TGM1: variants seen among roughly 807,000 people sequenced by gnomAD.
The protein encoded by TGM1 is transglutaminase 1, also known as protein-glutamine gamma-glutamyltransferase K.
Under a neutral mutation model 88.7 loss-of-function variants are expected in TGM1, and 63 were observed. The ratio of observed to expected loss-of-function variants is 0.71; its 90% CI spans 0.58 to 0.88. The LOEUF (loss-of-function observed/expected upper bound fraction) is 0.88, where lower values mean the gene tolerates loss of function less well. TGM1 is among the 40% of genes least tolerant of loss of function. TGM1 has a pLI of 0.00. For synonymous variants in TGM1, 415 were observed against 431.1 expected, an observed-to-expected ratio of 0.96 and a Z score of 0.46; for missense variants, 996 against 1,118.0, an observed-to-expected ratio of 0.89 and a Z score of 1.56.
rs1028160123 is a variant in TGM1 at position 24,259,314 on chromosome 14, A to C, written c.985-65T>G. The C allele has an allele frequency of 8.7e-6, 13 of 1,495,166 alleles. No individual in the cohort carries two copies. In the African/African-American group the frequency reaches 1.5e-4, roughly 18 times the overall value. The allele number at this position is 1,495,166 out of a possible 1,614,324, so 92.6% of individuals were successfully genotyped here. Reference sequence around the variant, plus strand: ...GGGCTCAGGACCTGCCATGTGGTCCATGGGGACCAGCCGGGCCCCGATCCT... The same window carrying C: ...GGGCTCAGGACCTGCCATGTGGTCCCTGGGGACCAGCCGGGCCCCGATCCT... On this transcript the variant is annotated intron_variant, in intron 6 of 14. Transcript: ENST00000206765. The surrounding 1 kb of genome is among the most constrained non-coding windows in gnomAD (Gnocchi z 5.7).
rs41293780 is a variant in TGM1, at chr14:24,261,550, G to T, written c.508+145C>A. 2.5e-4 allele frequency: 260 copies of T among 1,035,590 alleles called. 1 individual carries two copies. In the African/African-American group the frequency reaches 3.7e-3, roughly 15 times the overall value. 64.2% of individuals were successfully genotyped at this position (1,035,590 alleles called of 1,614,324 possible). ...ACCCTCTCTGAGACACAACCCCAGG[G>T]GCACACCCACACACTTGCACCTGCC... is the stretch of plus-strand genomic sequence containing the variant. On this transcript the variant is annotated intron_variant, in intron 3 of 14. Coordinates refer to ENST00000206765, the MANE Select transcript of TGM1 (RefSeq NM_000359.3).
At chr14:24,258,431 C>T in intron 8 of TGM1, 43 bp from the exon 9 acceptor site, 1 of 1,612,708 alleles carries the variant, frequency 6.2e-7, no homozygotes. Context: ...GCCCCAGGGT[C>T]AGGAGTCCTC....
In TGM1 at chr14:24,260,671, G is replaced by A. The variant is rs779095091; in HGVS notation, c.536C>T (p.Thr179Met). ...CTTGCCCACTGGGATGATCACGTGC[G>A]TGCCCTTGCCCACCTCGGGGTTGTT... ...IGNNPEVGKG[T>M]HVIIPVGKGG... The change falls in exon 4 of 15, where the codon ACG (threonine) becomes ATG (methionine). Residue 179 changes from threonine (T) to methionine (M), a missense_variant. Physicochemically the swap from Thr to Met is moderately conservative, Grantham distance 81. Coordinates refer to ENST00000206765, the MANE Select transcript of TGM1 (RefSeq NM_000359.3). The A allele has an allele frequency of 7.4e-6, 12 of 1,613,946 alleles. No individual in the cohort carries two copies. The highest frequency in any genetic ancestry group is 6.7e-5 in the East Asian group (3 of 44,896).
chr14:24,260,286 G>A, intron 4 of TGM1, 164 bp downstream of exon 4: 1 of 1,211,820 alleles, frequency 8.3e-7, no homozygotes, highest in South Asian at 1.3e-5. Context: ...GTGACCCTGG[G>A]CTGGCCACCT....
rs762375778 is a variant in TGM1 at position 24,260,632 on chromosome 14, C to G, written c.575G>C (p.Gly192Ala). 18 of 1,614,092 alleles carry G rather than the reference C, an allele frequency of 1.1e-5. No individual in the cohort carries two copies. In the South Asian group the frequency reaches 1.9e-4, roughly 17 times the overall value. The change falls in exon 4 of 15, where the codon GGC becomes GCC. Residue 192 changes from glycine (G) to alanine (A), a missense_variant. Coordinates refer to ENST00000206765, the MANE Select transcript of TGM1 (RefSeq NM_000359.3). The part of the protein sequence containing the change: ...IIPVGKGGSG[G>A]WKAQVVKASG... ...GGCCTTGACCACCTGGGCTTTCCAG[C>G]CTCCACTGCCCCCCTTGCCCACTGG...
chr14:24,261,952 TCCCCCCCAGAAATGCCAGG>T, intron 2 of TGM1, 63 bp downstream of exon 2: 4 of 1,609,026 alleles, frequency 2.5e-6, no homozygotes, highest in Non-Finnish European at 3.4e-6. Flanking sequence ...TAGCTTCCTA[TCCCCCCCAGAAATGCCAGG>T]CTGAGTCTCT....
chr14:24,255,090 G>A lies in TGM1; in HGVS notation c.1809C>T (p.His603=), dbSNP rs776633094. The A allele has an allele frequency of 1.2e-6, 2 of 1,614,174 alleles. No individual in the cohort carries two copies. Among genetic ancestry groups the A allele is most frequent in the Admixed American group, 3.3e-5 (2 of 60,030 alleles). ...DLMVSVMLIN[H]SSSRRTVKLH... ...GTTTCACTGTGCGGCGGCTGCTGCTGTGATTGATCAGCATCACAGAGACCA... is the reference window on the plus strand; with the variant it reads ...GTTTCACTGTGCGGCGGCTGCTGCTATGATTGATCAGCATCACAGAGACCA... The change falls in exon 12 of 15, where the codon CAC becomes CAT. Residue 603 remains histidine, a synonymous_variant. Coordinates refer to ENST00000206765, the MANE Select transcript of TGM1 (RefSeq NM_000359.3). This position sits in a 1 kb window ranked among gnomAD's most constrained non-coding sequence, Gnocchi z 4.0.
At chr14:24,262,000 T>C (rs1350531522) in intron 2 of TGM1, 34 bp downstream of exon 2, 1 of 1,612,504 alleles carries the variant, frequency 6.2e-7, no homozygotes, top group Admixed American at 1.7e-5. Context: ...TAAAGCCTTT[T>C]AGCTCTCAGC....
chr14:24,259,752 ATATGGCATCCC>A lies in TGM1; in HGVS notation c.925_935del (p.Gly309TrpfsTer22). 2 of 1,612,478 alleles carry A rather than the reference ATATGGCATCCC, an allele frequency of 1.2e-6. No individual in the cohort carries two copies. The highest frequency in any genetic ancestry group is 1.7e-6 in the Non-Finnish European group (2 of 1,179,548). Reference sequence around the variant, plus strand: ...CATTGACTGGGTCTCCACGGCCTCCATATGGCATCCCCCGCCGGTCCAGGATGTATAAGCAG... The same window carrying A: ...CATTGACTGGGTCTCCACGGCCTCCACCGCCGGTCCAGGATGTATAAGCAG... On this transcript the variant is annotated frameshift_variant, in exon 6 of 15. Transcript: ENST00000206765. LOFTEE classifies it high-confidence loss of function. This position sits in a 1 kb window ranked among gnomAD's most constrained non-coding sequence, Gnocchi z 5.7.
intron 14 of TGM1, among the ~76,000 whole-genome samples, chr14:24,253,498 C>T (rs1302112132): frequency 6.6e-6 from 1 of 152,036 alleles, no homozygotes; most frequent in Non-Finnish European, 1.5e-5. Flanking sequence ...GAGAGAGACA[C>T]ACGGGGTCTC....
rs121918721 is a variant in TGM1 at position 24,258,646 on chromosome 14, C to A, written c.1187G>T (p.Arg396Leu). ...TVLRCLGLAT[R>L]TVTNFNSAHD... ...GGCGGAGTTGAAGTTGGTGACAGTA[C>A]GGGTGGCCAGACCCAGGCAGCGCAG... Residue 396 changes from arginine to leucine, a missense_variant, in exon 8 of 15, where the codon CGT (arginine) becomes CTT (leucine). Transcript: ENST00000206765. 52 of 1,614,176 alleles carry A rather than the reference C, an allele frequency of 3.2e-5. No homozygotes were observed. The highest frequency in any genetic ancestry group is 1.6e-5 in the Non-Finnish European group (19 of 1,180,032).
At chr14:24,253,997 T>C in intron 14 of TGM1, 155 bp downstream of exon 14, 2 of 1,015,544 alleles carry the variant, frequency 2.0e-6, no homozygotes, top group Admixed American at 2.0e-5. Flanking sequence ...GGGACTGAGC[T>C]GGGCCGGGAG....
In TGM1 at chr14:24,260,445, C is replaced by A. The variant is rs2040798738; in HGVS notation, c.757+5G>T. 6.2e-7 allele frequency: 1 copy of A among 1,614,080 alleles called. No homozygotes were observed. The highest frequency in any genetic ancestry group is 1.3e-5 in the African/African-American group (1 of 74,944). ...TACCCTCTGCTCCAGACCCCAGCTG[C>A]TCACCTGGGCACCAGGGGTTGAAGA... is the stretch of plus-strand genomic sequence containing the variant. On this transcript the variant is annotated splice_donor_5th_base_variant and intron_variant, in intron 4 of 14. Coordinates refer to ENST00000206765, the MANE Select transcript of TGM1 (RefSeq NM_000359.3).
At chr14:24,258,258 T>A (rs781098787) in intron 9 of TGM1, 27 bp downstream of exon 9, 22 of 1,557,186 alleles carry the variant, frequency 1.4e-5, no homozygotes, top group East Asian at 1.3e-4. Flanking sequence ...AGCAGGGGCA[T>A]GGTGGGGAGT....
At position 24,255,577 on chromosome 14, in the gene TGM1, TC is replaced by T; in HGVS notation, c.1492-61del. On this transcript the variant is annotated intron_variant, in intron 10 of 14. Transcript: ENST00000206765. This position sits in a 1 kb window ranked among gnomAD's most constrained non-coding sequence, Gnocchi z 4.0. ...CCAGAGGGTCTGAGGGTGGCCTGAC[TC>T]CCGGCCTCCTTCCCCTGATCCCAGG... 1 of 1,602,286 alleles carries T rather than the reference TC, an allele frequency of 6.2e-7. No homozygotes were observed. The highest frequency in any genetic ancestry group is 2.2e-5 in the East Asian group (1 of 44,814).
rs775398833 is a variant in TGM1 at position 24,262,165 on chromosome 14, G to T, written c.188C>A (p.Pro63His). The T allele has an allele frequency of 5.0e-6, 8 of 1,613,702 alleles. No homozygotes were observed. The highest frequency in any genetic ancestry group is 5.1e-6 in the Non-Finnish European group (6 of 1,180,034). Residue 63 changes from proline (P) to histidine (H), a missense_variant, in exon 2 of 15, where the codon CCT becomes CAT. Physicochemically the swap from Pro to His is moderately conservative, Grantham distance 77. Transcript: ENST00000206765. ...CRNAADDDWG[P>H]EPSDSRGRGS... ...TCGACCCCTGGAGTCAGAGGGTTCA[G>T]GTCCCCAGTCGTCATCTGCCGCATT...
rs1244694484 is a variant in TGM1 at position 24,254,762 on chromosome 14, C to A, written c.1990G>T (p.Ala664Ser). The A allele has an allele frequency of 5.6e-6, 9 of 1,613,914 alleles. No homozygotes were observed. Among genetic ancestry groups the A allele is most frequent in the Non-Finnish European group, 7.6e-6 (9 of 1,180,034 alleles). Residue 664 changes from alanine to serine, a missense_variant, in exon 13 of 15, where the codon GCC becomes TCC. Physicochemically the swap from Ala to Ser is moderately conservative, Grantham distance 99. Transcript: ENST00000206765. ...EYRPHLVDQG[A>S]MLLNVSGHVK... ...TGGCCTGAGACATTGAGCAGCATGGCCCCCTGGTCCACAAGATGGGGCCGG... is the reference window on the plus strand; with the variant it reads ...TGGCCTGAGACATTGAGCAGCATGGACCCCTGGTCCACAAGATGGGGCCGG...
rs1566380005 is a variant in TGM1, at chr14:24,260,560, A to G, written c.647T>C (p.Ile216Thr). The G allele has an allele frequency of 1.2e-6, 2 of 1,614,226 alleles. No individual in the cohort carries two copies. Among genetic ancestry groups the G allele is most frequent in the African/African-American group, 1.3e-5 (1 of 75,064 alleles). Residue 216 changes from isoleucine to threonine, a missense_variant, in exon 4 of 15, where the codon ATC becomes ACC. Physicochemically the swap from Ile to Thr is moderately conservative, Grantham distance 89. Coordinates refer to ENST00000206765, the MANE Select transcript of TGM1 (RefSeq NM_000359.3). The stretch of plus-strand genomic sequence containing the variant: ...GACTGTGAACTGAAACTTGCCGATG[A>G]TGGCGTTGGGGGAAGTGTGGACCCG... ...NLRVHTSPNA[I>T]IGKFQFTVRT...
intron 14 of TGM1, among the ~76,000 whole-genome samples, chr14:24,251,190 T>C (rs2040698418): frequency 6.6e-6 from 1 of 152,206 alleles, no homozygotes; most frequent in African/African-American, 2.4e-5. Flanking sequence ...GGCAGGGATA[T>C]ATAATAGAAC....
Sources: allele counts gnomAD v4.1 joint callset (sites outside exome capture counted in the v4.1 genomes callset), GRCh38; gene constraint gnomAD v4.1.1; non-coding constraint Gnocchi (gnomAD v3.1); transcripts MANE v1.5; gene names NCBI Gene and HGNC (gene_info 2026-07-23, HGNC 2026-07-21).